The following CACNA1E variants were observed in gnomAD, a reference collection of about 807,000 sequenced individuals.
CACNA1E encodes calcium voltage-gated channel subunit alpha1 E, also known as voltage-dependent R-type calcium channel subunit alpha-1E.
In CACNA1E, 40 loss-of-function variants were observed where a neutral mutation model predicts 259.2. The observed-to-expected ratio is 0.15, with a 90% CI of 0.12 to 0.20. The LOEUF is 0.20. CACNA1E is among the 10% of genes least tolerant of loss of function. The pLI, the probability that CACNA1E is intolerant of heterozygous loss-of-function variation, is 1.00. For synonymous variants in CACNA1E, 1,104 were observed against 1,138.5 expected (o/e 0.97, Z 0.61); for missense variants, 1,874 against 3,040.1 (o/e 0.62, Z 9.02).
At chr1:181,597,920 C>A (rs1024078276) in intron 6 of CACNA1E, among the ~76,000 whole-genome samples, 1 of 152,192 alleles carries the variant, frequency 6.6e-6, no homozygotes, top group Non-Finnish European at 1.5e-5. Flanking sequence ...CACCTCCCAC[C>A]GGCTTCCTCC....
At position 181,483,633 on chromosome 1, in the gene CACNA1E, C is replaced by G; in HGVS notation, c.-112C>G. On this transcript the variant is annotated 5_prime_UTR_variant, in exon 1 of 48. Coordinates refer to ENST00000367573, the MANE Select transcript of CACNA1E (RefSeq NM_001205293.3). ...GGAGCTCCCCAGAGGCGGTGGTCCC[C>G]GTGCTTGTCTGGATGCGGCTCTGAG... 1 of 662,094 alleles carries G rather than the reference C, an allele frequency of 1.5e-6. No individual in the cohort carries two copies. Among genetic ancestry groups the G allele is most frequent in the South Asian group, 2.6e-5 (1 of 38,702 alleles). 41.0% of individuals were successfully genotyped at this position (662,094 alleles called of 1,614,324 possible). A position where few individuals can be genotyped will look rare whatever the true frequency, so the allele number is the denominator to read the frequency against.
intron 37 of CACNA1E, among the ~76,000 whole-genome samples, chr1:181,774,321 G>A (rs1271388519): frequency 6.6e-6 from 1 of 152,208 alleles, no homozygotes; most frequent in Non-Finnish European, 1.5e-5. Context: ...TAAGTGAAAG[G>A]GTCCTGCCTG....
At chr1:181,344,990 G>GA (rs899986201) in intron 1 of CACNA1E, among the ~76,000 whole-genome samples, 1 of 152,212 alleles carries the variant, frequency 6.6e-6, no homozygotes, top group Admixed American at 6.5e-5. Flanking sequence ...ATGCCTGTCA[G>GA]AAAAGGGTGA....
intron 2 of CACNA1E, among the ~76,000 whole-genome samples, chr1:181,425,531 T>TCCCCCCCCCCCCC (rs1201398954): frequency 1.7e-5 from 1 of 57,724 alleles, no homozygotes; most frequent in African/African-American, 6.2e-5. Flanking sequence ...ACACCCCCGC[T>TCCCCCCCCCCCCC]CCCCCCCCCG....
intron 1 of CACNA1E, among the ~76,000 whole-genome samples, chr1:181,341,269 C>T (rs746187448): frequency 4.3e-4 from 66 of 152,166 alleles, no homozygotes; most frequent in Non-Finnish European, 7.5e-4. Flanking sequence ...CCCCACAGCC[C>T]GGCTGGAAGA....
chr1:181,547,286 C>G (rs1647581516), intron 3 of CACNA1E, among the ~76,000 whole-genome samples: 2 of 152,204 alleles, frequency 1.3e-5, no homozygotes, highest in South Asian at 4.1e-4. Context: ...ATGCTTGCCC[C>G]TGACTCTGGC....
Position 181,756,341 on chromosome 1 carries a change from A to G in CACNA1E, c.4127+248A>G, listed in dbSNP as rs541801007. On this transcript the variant is annotated intron_variant, in intron 29 of 47. Coordinates refer to ENST00000367573, the MANE Select transcript of CACNA1E (RefSeq NM_001205293.3). ...GTTTTAGCCAATTATTGAGGAGTCA[A>G]GTGGAGCCATCTGACTTCTATGGAA... is the stretch of plus-strand genomic sequence containing the variant. Among the ~76,000 whole-genome samples the G allele has an allele frequency of 6.4e-4, 98 of 152,240 alleles. 2 individuals are homozygous for G. Among genetic ancestry groups the G allele is most frequent in the African/African-American group, 9.6e-5 (4 of 41,474 alleles).
chr1:181,665,484 G>A (rs745479820), intron 7 of CACNA1E, among the ~76,000 whole-genome samples: 2 of 152,114 alleles, frequency 1.3e-5, no homozygotes, highest in Non-Finnish European at 2.9e-5. Context: ...ATAACATGAA[G>A]TAATGTTTAA....
intron 1 of CACNA1E, among the ~76,000 whole-genome samples, chr1:181,371,113 T>C (rs1654678873): frequency 6.6e-6 from 1 of 152,212 alleles, no homozygotes; most frequent in Non-Finnish European, 1.5e-5. Context: ...CATTTTTAAA[T>C]GGGGTTGTTT....
chr1:181,333,410 T>G (rs1651437444), intron 1 of CACNA1E, among the ~76,000 whole-genome samples: 1 of 152,188 alleles, frequency 6.6e-6, no homozygotes, highest in Non-Finnish European at 1.5e-5. Flanking sequence ...AGTAAATATT[T>G]TAGTCTGTGG....
intron 6 of CACNA1E, among the ~76,000 whole-genome samples, chr1:181,640,525 C>T (rs779255575): frequency 3.3e-5 from 5 of 152,220 alleles, no homozygotes; most frequent in African/African-American, 7.2e-5. Flanking sequence ...ACCAGACTTA[C>T]ATAGTGTTTG....
Position 181,757,107 on chromosome 1 carries a change from G to A in CACNA1E, c.4310G>A (p.Cys1437Tyr). 1 of 1,613,520 alleles carries A rather than the reference G, an allele frequency of 6.2e-7. No homozygotes were observed. Among genetic ancestry groups the A allele is most frequent in the Non-Finnish European group, 8.5e-7 (1 of 1,179,476 alleles). The change falls in exon 30 of 48, where the codon TGC becomes TAC. Residue 1437 changes from cysteine (C) to tyrosine (Y), a missense_variant. This residue lies in a region of CACNA1E where 188 missense variants were observed against 540.6 expected (regional missense o/e 0.35). Transcript: ENST00000367573. ...QEQGDKMMEE[C>Y]SLEKNERACI... is the part of the protein sequence containing the mutation. Reference sequence around the variant, plus strand: ...CAAGGGGATAAGATGATGGAGGAGTGCAGCCTGGAGAAGAATGAGGTAATG... The same window carrying A: ...CAAGGGGATAAGATGATGGAGGAGTACAGCCTGGAGAAGAATGAGGTAATG...
intron 7 of CACNA1E, among the ~76,000 whole-genome samples, chr1:181,676,755 A>T (rs1350531567): frequency 6.6e-6 from 1 of 152,198 alleles, no homozygotes; most frequent in Non-Finnish European, 1.5e-5. Context: ...TAAGCAAATC[A>T]TTGTGTGAGT....
At chr1:181,545,393 G>A (rs764077422) in intron 3 of CACNA1E, among the ~76,000 whole-genome samples, 16 of 152,260 alleles carry the variant, frequency 1.1e-4, no homozygotes, top group Admixed American at 1.3e-4. Context: ...TTAGATGTTC[G>A]TCCATTCCAG....
At chr1:181,585,545 A>G (rs1187901555) in intron 6 of CACNA1E, among the ~76,000 whole-genome samples, 1 of 152,232 alleles carries the variant, frequency 6.6e-6, no homozygotes, top group Non-Finnish European at 1.5e-5. Flanking sequence ...CATATGGTAT[A>G]TCAGATAGTG....
intron 2 of CACNA1E, among the ~76,000 whole-genome samples, chr1:181,449,718 T>C (rs6663020): frequency 0.44 from 66,270 of 152,136 alleles, 16,089 homozygotes; most frequent in African/African-American, 0.67. Context: ...TATCCACAGA[T>C]GACCTTATGT....
chr1:181,326,885 T>C (rs1650836162), intron 1 of CACNA1E, among the ~76,000 whole-genome samples: 1 of 152,152 alleles, frequency 6.6e-6, no homozygotes, highest in Non-Finnish European at 1.5e-5. Flanking sequence ...TTGTGACTCT[T>C]GTTCCTCCCT....
At chr1:181,487,670 A>G (rs1349314093) in intron 1 of CACNA1E, among the ~76,000 whole-genome samples, 2 of 152,122 alleles carry the variant, frequency 1.3e-5, no homozygotes, top group Non-Finnish European at 2.9e-5. Flanking sequence ...GTGCCCTCCC[A>G]TGTTCACCGT....
At chr1:181,331,301 C>T (rs1224714069) in intron 1 of CACNA1E, among the ~76,000 whole-genome samples, 1 of 152,048 alleles carries the variant, frequency 6.6e-6, no homozygotes, top group African/African-American at 2.4e-5. Context: ...TACGTGATTA[C>T]GGAGGCTGAG....
Sources: gnomAD v4.1 joint callset for allele counts (sites outside exome capture counted in the v4.1 genomes callset) on GRCh38, gnomAD v4.1.1 for gene constraint, gnomAD v4.1.1 regional missense constraint, MANE v1.5 for transcripts, NCBI Gene and HGNC (gene_info 2026-07-23, HGNC 2026-07-21) for gene names.